The following WIF1 variants were observed in gnomAD, a reference collection of about 807,000 sequenced individuals.
WIF1 encodes the protein Wnt inhibitory factor 1.
In WIF1, 35 loss-of-function variants were observed where a neutral mutation model predicts 53.5. The observed-to-expected ratio is 0.65, with a 90% CI of 0.50 to 0.87. WIF1 has a LOEUF of 0.87. Among genes scored for constraint, WIF1 ranks in the 40% least tolerant of loss-of-function variants. The probability of loss-of-function intolerance (pLI) is 0.00; values close to 1 mark genes in which losing one functional copy is unlikely to be tolerated. For missense variants in WIF1, 467 were observed against 476.8 expected (o/e 0.98, Z 0.19); for synonymous variants, 171 against 170.4 (o/e 1.00, Z -0.03).
chr12:65,119,141 GT>G (rs1189046562), intron 2 of WIF1, among the ~76,000 whole-genome samples: 1 of 152,180 alleles, frequency 6.6e-6, no homozygotes, highest in Non-Finnish European at 1.5e-5. Context: ...CCATTCGTTG[GT>G]TTATTACTGA....
chr12:65,051,573 C>A lies in WIF1; in HGVS notation c.1019-103G>T, dbSNP rs554778015. The A allele has an allele frequency of 2.5e-3, 3,472 of 1,374,382 alleles. 8 individuals carry two copies. The highest frequency in any genetic ancestry group is 3.1e-3 in the Non-Finnish European group (3,259 of 1,055,640). 85.1% of individuals were successfully genotyped at this position (1,374,382 alleles called of 1,614,324 possible). On this transcript the variant is annotated intron_variant, in intron 9 of 9. Transcript: ENST00000286574. ...GAAATCCATTTTTGCCTTTTCAATC[C>A]AGAATGAAAAACCGCAATGACCACA... is the stretch of plus-strand genomic sequence containing the variant.
chr12:65,073,828 G>A (rs1443228123), intron 3 of WIF1, among the ~76,000 whole-genome samples: 9 of 152,146 alleles, frequency 5.9e-5, no homozygotes, highest in Admixed American at 5.9e-4. Flanking sequence ...TCTTGCACCT[G>A]CATTTCTACA....
rs1408065326 is a variant in WIF1 at position 65,050,755 on chromosome 12, T to C, written c.*594A>G. On this transcript the variant is annotated 3_prime_UTR_variant, in exon 10 of 10. Transcript: ENST00000286574. ...CAATGCAAAAAGTTCATACATTATA[T>C]TCCCTATTTCATTGTGTTTAGAATA... 1.0e-5 allele frequency: 2 copies of C among 190,560 alleles called. No homozygotes were observed. Among genetic ancestry groups the C allele is most frequent in the African/African-American group, 2.3e-5 (1 of 42,958 alleles). 11.8% of individuals were successfully genotyped at this position (190,560 alleles called of 1,614,324 possible). A position where few individuals can be genotyped will look rare whatever the true frequency, so the allele number is the denominator to read the frequency against.
chr12:65,117,815 A>G (rs912807445), intron 2 of WIF1, among the ~76,000 whole-genome samples: 8 of 152,174 alleles, frequency 5.3e-5, no homozygotes, highest in African/African-American at 1.9e-4. Flanking sequence ...TCACACTCCT[A>G]TGAGAATCTT....
In WIF1 at chr12:65,066,727, G is replaced by T. The variant is rs1384295512; in HGVS notation, c.644C>A (p.Thr215Asn). Reference protein sequence around the residue: ...HGPHCEKALCTPRCMNGGLCV... With the variant: ...HGPHCEKALCNPRCMNGGLCV... ...AAGTCCACCATTCATACATCGTGGGGTACAAAGGGCTTATAGGGAGAGAGA... is the reference window on the plus strand; with the variant it reads ...AAGTCCACCATTCATACATCGTGGGTTACAAAGGGCTTATAGGGAGAGAGA... Residue 215 changes from threonine to asparagine, a missense_variant, in exon 6 of 10, where the codon ACC (threonine) becomes AAC (asparagine). Thr to Asn is a moderately conservative substitution (Grantham distance 65). Coordinates refer to ENST00000286574, the MANE Select transcript of WIF1 (RefSeq NM_007191.5). 1.2e-6 allele frequency: 2 copies of T among 1,604,996 alleles called. No individual in the cohort carries two copies. Among genetic ancestry groups the T allele is most frequent in the African/African-American group, 1.3e-5 (1 of 74,408 alleles).
intron 4 of WIF1, 114 bp downstream of exon 4, chr12:65,068,648 CAT>C (rs1491548152): frequency 3.0e-4 from 335 of 1,103,230 alleles, no homozygotes; most frequent in African/African-American, 1.1e-3. Context: ...TCCAAAAAAC[CAT>C]GTGTGTGTGT....
chr12:65,087,258 T>TG (rs1883053770), intron 2 of WIF1, among the ~76,000 whole-genome samples: 1 of 152,232 alleles, frequency 6.6e-6, no homozygotes, highest in South Asian at 2.1e-4. Flanking sequence ...CCTTCATGCA[T>TG]TTCACATGGT....
intron 2 of WIF1, among the ~76,000 whole-genome samples, chr12:65,119,898 A>G (rs1883574687): frequency 6.6e-6 from 1 of 152,248 alleles, no homozygotes; most frequent in African/African-American, 2.4e-5. Context: ...GCAATATTTT[A>G]TAACGTTCTT....
chr12:65,068,932 G>A (rs953930096), intron 3 of WIF1, 28 bp from the exon 4 acceptor site: 1 of 1,607,646 alleles, frequency 6.2e-7, no homozygotes, highest in Non-Finnish European at 8.5e-7. Context: ...AAAGTGTGGA[G>A]AAATAGTTAA....
At chr12:65,067,586 G>T in intron 5 of WIF1, 109 bp downstream of exon 5, 1 of 1,182,694 alleles carries the variant, frequency 8.5e-7, no homozygotes, top group Non-Finnish European at 1.2e-6. Flanking sequence ...CTGCCCCTGT[G>T]ACCAGGAAAA....
intron 2 of WIF1, among the ~76,000 whole-genome samples, chr12:65,088,805 A>G (rs1355276593): frequency 2.0e-5 from 3 of 152,040 alleles, no homozygotes; most frequent in Non-Finnish European, 4.4e-5. Context: ...TCAAAAAAAA[A>G]GTTCTGAATG....
At position 65,055,242 on chromosome 12, in the gene WIF1, T is replaced by C. The variant is rs1405094024; in HGVS notation, c.923-29A>G. 1.9e-6 allele frequency: 3 copies of C among 1,598,612 alleles called. 1 individual carries two copies. In the South Asian group the frequency reaches 3.4e-5, roughly 18 times the overall value. On this transcript the variant is annotated intron_variant, in intron 8 of 9. Coordinates refer to ENST00000286574, the MANE Select transcript of WIF1 (RefSeq NM_007191.5). Reference sequence around the variant, plus strand: ...GAATCAAAAGAAATAAAAAGAGTATTTCCTGAGCTTTCCTTTTTCAACAGA... The same window carrying C: ...GAATCAAAAGAAATAAAAAGAGTATCTCCTGAGCTTTCCTTTTTCAACAGA...
chr12:65,081,740 A>T (rs985313702), intron 2 of WIF1, among the ~76,000 whole-genome samples: 1 of 152,138 alleles, frequency 6.6e-6, no homozygotes, highest in Non-Finnish European at 1.5e-5. Flanking sequence ...CTAATGGTGC[A>T]TGAATCTCTG....
chr12:65,090,174 T>A (rs1426617594), intron 2 of WIF1, among the ~76,000 whole-genome samples: 1 of 152,134 alleles, frequency 6.6e-6, no homozygotes, highest in Admixed American at 6.6e-5. Context: ...CAAGGGAGAC[T>A]AAGCTGGTCC....
chr12:65,087,115 A>C (rs12316501), intron 2 of WIF1, among the ~76,000 whole-genome samples: 4,598 of 152,306 alleles, frequency 0.03, 234 homozygotes, highest in African/African-American at 0.11. Flanking sequence ...GCACCACTGC[A>C]CTTCAGCCTG....
chr12:65,082,878 A>G (rs1882971293), intron 2 of WIF1, among the ~76,000 whole-genome samples: 1 of 152,196 alleles, frequency 6.6e-6, no homozygotes, highest in East Asian at 1.9e-4. Context: ...CTGAGTTAAG[A>G]ATCAAAGATC....
chr12:65,073,431 G>A (rs954031515), intron 3 of WIF1, among the ~76,000 whole-genome samples: 11 of 152,290 alleles, frequency 7.2e-5, no homozygotes, highest in Admixed American at 5.9e-4. Context: ...TGTTCAAAGA[G>A]GCAAAGTCTT....
In WIF1 at chr12:65,112,404, TCACACA is replaced by T. The variant is rs758383148; in HGVS notation, c.288+8007_288+8012del. 4.0e-3 allele frequency among the ~76,000 whole-genome samples: 498 copies of T among 123,534 alleles called. 1 individual carries two copies. Among genetic ancestry groups the T allele is most frequent in the African/African-American group, 0.011 (378 of 34,884 alleles). The allele number at this position is 123,534 out of a possible 152,430, so 81.0% of individuals were successfully genotyped here. A position where few individuals can be genotyped will look rare whatever the true frequency, so the allele number is the denominator to read the frequency against. The stretch of plus-strand genomic sequence containing the variant: ...ATTTTTTTACAGTTCCCTGCTCTAA[TCACACA>T]CACACACACACACACACACACACAC... On this transcript the variant is annotated intron_variant, in intron 2 of 9. Coordinates refer to ENST00000286574, the MANE Select transcript of WIF1 (RefSeq NM_007191.5).
rs866501668 is a variant in WIF1 at position 65,106,520 on chromosome 12, C to T, written c.288+13897G>A. Among the ~76,000 whole-genome samples, 14 of 152,078 alleles carry T rather than the reference C, an allele frequency of 9.2e-5. No individual in the cohort carries two copies. In the South Asian group the frequency reaches 1.2e-3, roughly 14 times the overall value. On this transcript the variant is annotated intron_variant, in intron 2 of 9. Coordinates refer to ENST00000286574, the MANE Select transcript of WIF1 (RefSeq NM_007191.5). The stretch of plus-strand genomic sequence containing the variant: ...CTGGGATTACAGGTGCTCGCCACCA[C>T]GCCTGGCTAATTTTTGTGTTTTTAG...
Sources: allele counts gnomAD v4.1 joint callset (sites outside exome capture counted in the v4.1 genomes callset), GRCh38; gene constraint gnomAD v4.1.1; transcripts MANE v1.5; gene names NCBI Gene and HGNC (gene_info 2026-07-23, HGNC 2026-07-21).